HNF4G: variants seen among roughly 807,000 people sequenced by gnomAD.
HNF4G encodes hepatocyte nuclear factor 4 gamma, also known as hepatocyte nuclear factor 4-gamma.
In HNF4G, 21 loss-of-function variants were observed where a neutral mutation model predicts 50.9. The ratio of observed to expected loss-of-function variants is 0.41; its 90% confidence interval spans 0.29 to 0.59. The LOEUF (loss-of-function observed/expected upper bound fraction) is 0.59, where lower values mean the gene tolerates loss of function less well. Among genes scored for constraint, HNF4G ranks in the 20% least tolerant of loss-of-function variants. HNF4G has a pLI of 0.26. For synonymous variants in HNF4G, 198 were observed against 185.6 expected (o/e 1.07, Z -0.54); for missense variants, 527 against 559.4 (o/e 0.94, Z 0.58).
chr8:75,525,922 G>A (rs572536373), intron 2 of HNF4G, among the ~76,000 whole-genome samples: 61 of 152,156 alleles, frequency 4.0e-4, no homozygotes, highest in African/African-American at 1.4e-3. Flanking sequence ...ACAAAAAAGG[G>A]AGTTGTCACA....
At chr8:75,409,884 G>C (rs539379873) in intron 1 of HNF4G, among the ~76,000 whole-genome samples, 16 of 151,988 alleles carry the variant, frequency 1.1e-4, no homozygotes, top group African/African-American at 3.9e-4. Context: ...TAGAAAAAGA[G>C]CCCCCTCCCC....
intron 1 of HNF4G, among the ~76,000 whole-genome samples, chr8:75,460,208 A>G (rs908650179): frequency 6.6e-6 from 1 of 152,138 alleles, no homozygotes; most frequent in African/African-American, 2.4e-5. Flanking sequence ...TAATAAAGAC[A>G]TTACCTATCC....
At chr8:75,521,042 T>G (rs1268729773) in intron 2 of HNF4G, among the ~76,000 whole-genome samples, 1 of 152,138 alleles carries the variant, frequency 6.6e-6, no homozygotes, top group Non-Finnish European at 1.5e-5. Flanking sequence ...GCATTTACTG[T>G]TGCCCAATTC....
At chr8:75,554,016 C>T (rs1377323899) in intron 5 of HNF4G, among the ~76,000 whole-genome samples, 1 of 151,736 alleles carries the variant, frequency 6.6e-6, no homozygotes, top group African/African-American at 2.4e-5. Context: ...TTTCTCTCAC[C>T]TTAAATTAAC....
At chr8:75,469,483 T>G (rs570530563) in intron 1 of HNF4G, among the ~76,000 whole-genome samples, 1 of 152,304 alleles carries the variant, frequency 6.6e-6, no homozygotes, top group South Asian at 2.1e-4. Flanking sequence ...TCAGATGATT[T>G]TTTTAGAGGG....
intron 1 of HNF4G, among the ~76,000 whole-genome samples, chr8:75,487,323 G>T (rs1226164382): frequency 6.6e-6 from 1 of 151,990 alleles, no homozygotes; most frequent in Non-Finnish European, 1.5e-5. Context: ...CCATGTTTAA[G>T]AATTTCGGGA....
At chr8:75,522,807 T>C (rs186264005) in intron 2 of HNF4G, among the ~76,000 whole-genome samples, 14 of 152,302 alleles carry the variant, frequency 9.2e-5, no homozygotes, top group African/African-American at 3.4e-4. Context: ...ATATTTCATA[T>C]AAGTTAATAT....
chr8:75,486,906 G>A (rs571315690), intron 1 of HNF4G, among the ~76,000 whole-genome samples: 47 of 152,256 alleles, frequency 3.1e-4, no homozygotes, highest in Admixed American at 5.9e-4. Flanking sequence ...GGAAGCTGAG[G>A]CAGGAGGATC....
intron 1 of HNF4G, among the ~76,000 whole-genome samples, chr8:75,416,579 A>C (rs1295836321): frequency 6.6e-6 from 1 of 152,042 alleles, no homozygotes; most frequent in Non-Finnish European, 1.5e-5. Flanking sequence ...GGTAAAAATG[A>C]TTTTAATAGT....
At chr8:75,553,559 G>A (rs1807029250) in intron 5 of HNF4G, among the ~76,000 whole-genome samples, 1 of 152,074 alleles carries the variant, frequency 6.6e-6, no homozygotes, top group African/African-American at 2.4e-5. Context: ...GGTGGATGTT[G>A]TGTATTGGCG....
intron 6 of HNF4G, among the ~76,000 whole-genome samples, chr8:75,558,233 A>T (rs186288374): frequency 1.1e-3 from 171 of 152,336 alleles, no homozygotes; most frequent in Middle Eastern, 3.4e-3. Context: ...CATTATATTT[A>T]GATTTTGTCA....
intron 1 of HNF4G, among the ~76,000 whole-genome samples, chr8:75,431,408 T>C (rs1223636627): frequency 6.6e-6 from 1 of 152,160 alleles, no homozygotes; most frequent in Non-Finnish European, 1.5e-5. Flanking sequence ...CGGCTTGATA[T>C]AGTGAAATCG....
intron 8 of HNF4G, 108 bp from the exon 9 acceptor site, chr8:75,560,236 T>G: frequency 8.5e-7 from 1 of 1,169,612 alleles, no homozygotes. Flanking sequence ...CAAAAAGCAC[T>G]TGGCAAAAAT....
intron 1 of HNF4G, among the ~76,000 whole-genome samples, chr8:75,463,033 C>T (rs190081564): frequency 6.7e-6 from 1 of 148,824 alleles, no homozygotes; most frequent in African/African-American, 2.5e-5. Flanking sequence ...CTTTTTGTTC[C>T]TCCTCTGATA....
intron 1 of HNF4G, 37 bp from the exon 2 acceptor site, chr8:75,543,774 A>G (rs1585940663): frequency 6.5e-7 from 1 of 1,549,256 alleles, no homozygotes; most frequent in African/African-American, 1.4e-5. Flanking sequence ...AGGAAATAGT[A>G]CTAACTCTAA....
In HNF4G at chr8:75,558,818, G is replaced by A. The variant is rs755923251; in HGVS notation, c.904G>A (p.Asp302Asn). The change falls in exon 8 of 10, where the codon GAT (aspartate) becomes AAT (asparagine). Residue 302 changes from aspartate (D) to asparagine (N), a missense_variant. Coordinates refer to ENST00000396423, the MANE Select transcript of HNF4G (RefSeq NM_004133.5). ...FFDPDAKGLS[D>N]PVKIKNMRFQ... is the part of the protein sequence containing the mutation. Reference sequence around the variant, plus strand: ...TTTGTTAGATGCAAAAGGGCTAAGCGATCCAGTAAAAATTAAGAACATGAG... The same window carrying A: ...TTTGTTAGATGCAAAAGGGCTAAGCAATCCAGTAAAAATTAAGAACATGAG... 3.7e-6 allele frequency: 6 copies of A among 1,613,894 alleles called. No homozygotes were observed. The South Asian group carries it at 4.4e-5, about 12-fold the overall frequency.
At chr8:75,440,906 G>A (rs1037738484) in intron 1 of HNF4G, among the ~76,000 whole-genome samples, 1 of 152,028 alleles carries the variant, frequency 6.6e-6, no homozygotes, top group Non-Finnish European at 1.5e-5. Context: ...TGCCCAGGCT[G>A]GAGTGCATTA....
chr8:75,465,609 G>T (rs1421277988), intron 1 of HNF4G, among the ~76,000 whole-genome samples: 2 of 151,972 alleles, frequency 1.3e-5, no homozygotes, highest in Admixed American at 1.3e-4. Flanking sequence ...ATGGAAATAT[G>T]TATTATGCCA....
chr8:75,518,713 C>T (rs192190810), intron 2 of HNF4G, among the ~76,000 whole-genome samples: 16 of 152,142 alleles, frequency 1.1e-4, no homozygotes, highest in Admixed American at 2.0e-4. Flanking sequence ...TGCACAAAGC[C>T]GCAAGGCCCT....
Sources: allele counts gnomAD v4.1 joint callset (sites outside exome capture counted in the v4.1 genomes callset), GRCh38; gene constraint gnomAD v4.1.1; transcripts MANE v1.5; gene names NCBI Gene and HGNC (gene_info 2026-07-23, HGNC 2026-07-21).